Variants in CSMD3 observed in about 807,000 individuals in gnomAD.
CSMD3 encodes the protein CUB and Sushi multiple domains 3.
A neutral mutation model predicts 435.2 loss-of-function variants in CSMD3; 177 were observed. The ratio of observed to expected loss-of-function variants is 0.41; its 90% confidence interval spans 0.36 to 0.46. The LOEUF is 0.46. CSMD3 is among the 20% of genes least tolerant of loss of function. The probability of loss-of-function intolerance (pLI) is 0.34; values close to 1 mark genes in which losing one functional copy is unlikely to be tolerated. For synonymous variants in CSMD3, 1,656 were observed against 1,520.5 expected (o/e 1.09, Z -2.07); for missense variants, 4,265 against 4,504.6 (o/e 0.95, Z 1.52).
chr8:112,606,574 C>A (rs1319849508), intron 22 of CSMD3, among the ~76,000 whole-genome samples: 1 of 152,188 alleles, frequency 6.6e-6, no homozygotes, highest in Non-Finnish European at 1.5e-5. Context: ...TTTCACCCAT[C>A]AGCAGCAGAG....
rs532058590 is a variant in CSMD3 at position 113,130,795 on chromosome 8, T to C, written c.710-31832A>G. 1.4e-4 allele frequency among the ~76,000 whole-genome samples: 21 copies of C among 152,252 alleles called. 1 individual carries two copies. The South Asian group carries it at 3.9e-3, about 29-fold the overall frequency. ...TGGAACTTCCTATAGACTTGTTAAA[T>C]GGCTTTGACCGAAATGCTGATAGTG... is the stretch of plus-strand genomic sequence containing the variant. On this transcript the variant is annotated intron_variant, in intron 4 of 70. Coordinates refer to ENST00000297405, the MANE Select transcript of CSMD3 (RefSeq NM_198123.2).
At chr8:112,256,319 A>T (rs1815798386) in intron 61 of CSMD3, among the ~76,000 whole-genome samples, 2 of 152,092 alleles carry the variant, frequency 1.3e-5, no homozygotes, top group African/African-American at 4.8e-5. Context: ...AAAATCATTC[A>T]GACAAAAGAG....
At chr8:112,636,516 T>C (rs2074662433) in intron 22 of CSMD3, among the ~76,000 whole-genome samples, 1 of 151,682 alleles carries the variant, frequency 6.6e-6, no homozygotes, top group South Asian at 2.1e-4. Flanking sequence ...TCTTTCTCCA[T>C]ATATCTATGT....
chr8:113,045,680 C>G (rs73702279), intron 5 of CSMD3, among the ~76,000 whole-genome samples: 25 of 149,656 alleles, frequency 1.7e-4, no homozygotes, highest in African/African-American at 5.8e-4. Context: ...GAGTGTGGTT[C>G]AGACAGCACA....
chr8:113,343,887 G>A (rs1047374534), intron 1 of CSMD3, among the ~76,000 whole-genome samples: 9 of 151,944 alleles, frequency 5.9e-5, no homozygotes, highest in African/African-American at 2.2e-4. Flanking sequence ...CCTGACTAAC[G>A]TTATAATCTA....
intron 61 of CSMD3, among the ~76,000 whole-genome samples, chr8:112,258,958 G>A (rs1816097870): frequency 1.3e-5 from 2 of 152,028 alleles, no homozygotes; most frequent in African/African-American, 2.4e-5. Flanking sequence ...AGAATGGCGA[G>A]AACCCGGGAG....
chr8:112,535,366 A>G (rs1825967533), intron 27 of CSMD3, among the ~76,000 whole-genome samples: 1 of 152,168 alleles, frequency 6.6e-6, no homozygotes, highest in Non-Finnish European at 1.5e-5. Context: ...GAGCATTCTT[A>G]TACACCAATA....
At chr8:113,036,534 GGA>G (rs1174556199) in intron 5 of CSMD3, among the ~76,000 whole-genome samples, 1 of 151,912 alleles carries the variant, frequency 6.6e-6, no homozygotes, top group Admixed American at 6.6e-5. Flanking sequence ...TATTTTATAA[GGA>G]GAATGTGTAA....
intron 1 of CSMD3, among the ~76,000 whole-genome samples, chr8:113,417,414 T>C (rs2094586855): frequency 6.6e-6 from 1 of 151,820 alleles, no homozygotes; most frequent in South Asian, 2.1e-4. Flanking sequence ...AGTACAAAAG[T>C]TATGATGGTA....
At chr8:112,699,692 G>C (rs1460628860) in intron 13 of CSMD3, among the ~76,000 whole-genome samples, 1 of 152,168 alleles carries the variant, frequency 6.6e-6, no homozygotes, top group Non-Finnish European at 1.5e-5. Context: ...TTGCCTCCTG[G>C]TGTGATGTCC....
intron 1 of CSMD3, among the ~76,000 whole-genome samples, chr8:113,338,644 G>C (rs2094095124): frequency 6.6e-6 from 1 of 151,934 alleles, no homozygotes; most frequent in Non-Finnish European, 1.5e-5. Context: ...ATAGTGAATG[G>C]TTCCATTCAT....
intron 3 of CSMD3, among the ~76,000 whole-genome samples, chr8:113,271,344 C>T (rs1408275156): frequency 1.3e-5 from 2 of 152,080 alleles, no homozygotes; most frequent in African/African-American, 4.8e-5. Context: ...CATTACAGAC[C>T]TGGAAGCCTA....
intron 6 of CSMD3, among the ~76,000 whole-genome samples, chr8:112,991,398 A>G (rs987467714): frequency 1.3e-5 from 2 of 151,804 alleles, no homozygotes; most frequent in Admixed American, 6.6e-5. Context: ...AGTCAACTAC[A>G]GTACATGTGC....
intron 22 of CSMD3, among the ~76,000 whole-genome samples, chr8:112,612,709 C>CTTTTTTTTTTTTTTTTTTTTTTT (rs532290154): frequency 3.0e-5 from 2 of 65,888 alleles, no homozygotes; most frequent in Admixed American, 2.3e-4. Flanking sequence ...TTTCTTTGTT[C>CTTTTTTTTTTTTTTTTTTTTTTT]TTTTTTTTTT....
At chr8:113,164,157 T>G (rs1334312581) in intron 4 of CSMD3, among the ~76,000 whole-genome samples, 1 of 152,006 alleles carries the variant, frequency 6.6e-6, no homozygotes, top group Admixed American at 6.6e-5. Flanking sequence ...GAACTTGACT[T>G]TTGTAAATTA....
chr8:112,550,378 T>C lies in CSMD3; in HGVS notation c.4564+293A>G, dbSNP rs529425799. Among the ~76,000 whole-genome samples, 9 of 152,080 alleles carry C rather than the reference T, an allele frequency of 5.9e-5. No individual in the cohort carries two copies. In the South Asian group the frequency reaches 1.7e-3, roughly 28 times the overall value. ...CTACTTTTATACTATTTCCAGATTA[T>C]AAGCTTTTGTGATGTAATTTTTTTT... is the stretch of plus-strand genomic sequence containing the variant. On this transcript the variant is annotated intron_variant, in intron 27 of 70. Transcript: ENST00000297405.
chr8:112,647,421 C>G (rs141794956), intron 19 of CSMD3, among the ~76,000 whole-genome samples: 2 of 151,934 alleles, frequency 1.3e-5, no homozygotes, highest in Admixed American at 6.6e-5. Context: ...CCTGCCTCAG[C>G]CCCTCCACCG....
intron 66 of CSMD3, among the ~76,000 whole-genome samples, chr8:112,238,932 TC>T (rs1245548622): frequency 6.6e-6 from 1 of 152,010 alleles, no homozygotes; most frequent in Non-Finnish European, 1.5e-5. Flanking sequence ...ACTCCATAGT[TC>T]TATATTTGAG....
chr8:113,176,673 C>G (rs1209580565), intron 3 of CSMD3, among the ~76,000 whole-genome samples: 1 of 151,924 alleles, frequency 6.6e-6, no homozygotes, highest in African/African-American at 2.4e-5. Flanking sequence ...AAACCAAACA[C>G]CACATATTCT....
Sources: allele counts gnomAD v4.1 joint callset (sites outside exome capture counted in the v4.1 genomes callset), GRCh38; gene constraint gnomAD v4.1.1; transcripts MANE v1.5; gene names NCBI Gene and HGNC (gene_info 2026-07-23, HGNC 2026-07-21).